Variants in ARMC2 observed in about 807,000 individuals in gnomAD.
The protein encoded by ARMC2 is armadillo repeat-containing protein 2.
In ARMC2, 67 loss-of-function variants were observed where a neutral mutation model predicts 90.3. That is an observed-to-expected ratio of 0.74 (90% CI 0.61 to 0.91). The LOEUF (loss-of-function observed/expected upper bound fraction) is 0.91, where lower values mean the gene tolerates loss of function less well. ARMC2 is among the 40% of genes least tolerant of loss of function. The probability of loss-of-function intolerance (pLI) is 0.00; values close to 1 mark genes in which losing one functional copy is unlikely to be tolerated. For synonymous variants in ARMC2, 393 were observed against 393.0 expected, an observed-to-expected ratio of 1.00 and a Z score of 0.00; for missense variants, 920 against 1,030.9, an observed-to-expected ratio of 0.89 and a Z score of 1.47.
chr6:108,972,202 C>A (rs972799294), intron 17 of ARMC2, among the ~76,000 whole-genome samples: 1 of 152,194 alleles, frequency 6.6e-6, no homozygotes, highest in African/African-American at 2.4e-5. Flanking sequence ...ATCTTCCTAC[C>A]TGGATTGAAT....
In ARMC2 at chr6:108,858,252, G is replaced by A. The variant is rs147755566; in HGVS notation, c.272G>A (p.Arg91His). Residue 91 changes from arginine (R) to histidine (H), a missense_variant, in exon 3 of 18, where the codon CGT becomes CAT. Arg to His is a conservative substitution (Grantham distance 29). Transcript: ENST00000392644. The part of the protein sequence containing the change: ...SSDSRPISGT[R>H]LSPLELKPKV... ...GATTCCAGGCCTATCTCTGGCACAC[G>A]TCTTAGTCCACTAGAGCTGGTGAGT... 6.0e-5 allele frequency: 96 copies of A among 1,609,542 alleles called. 1 individual carries two copies. The South Asian group carries it at 8.3e-4, about 14-fold the overall frequency.
intron 7 of ARMC2, among the ~76,000 whole-genome samples, chr6:108,900,818 G>A (rs1222893242): frequency 6.6e-6 from 1 of 152,090 alleles, no homozygotes; most frequent in Non-Finnish European, 1.5e-5. Flanking sequence ...AGATGAGGTG[G>A]AGATTAGGTT....
chr6:109,037,509 A>G, the ARMC2 span, among the ~76,000 whole-genome samples: 2 of 152,200 alleles, frequency 1.3e-5, no homozygotes, highest in African/African-American at 2.4e-5. Context: ...TATATTCAGC[A>G]TCTAGTCCAA....
chr6:109,041,829 A>G, the ARMC2 span, among the ~76,000 whole-genome samples: 4 of 152,212 alleles, frequency 2.6e-5, no homozygotes, highest in Admixed American at 6.5e-5. Context: ...GAGGAACTCA[A>G]CAATATTATA....
the ARMC2 span, chr6:109,000,632 A>G: frequency 6.2e-7 from 1 of 1,610,752 alleles, no homozygotes. Context: ...AATCATTTAC[A>G]TGCAGGTTCA....
chr6:109,009,278 C>T, the ARMC2 span: 33 of 1,253,484 alleles, frequency 2.6e-5, no homozygotes, highest in Non-Finnish European at 3.2e-5. Context: ...GCAACGTGAC[C>T]TCCGTGTTGC....
the ARMC2 span, among the ~76,000 whole-genome samples, chr6:109,046,991 T>TG: frequency 1.0e-3 from 73 of 69,914 alleles, 1 homozygote; most frequent in Middle Eastern, 9.3e-3. Context: ...GGGAGGGAGG[T>TG]GGGGGGGGTC....
chr6:108,946,674 A>T (rs1776832097), intron 12 of ARMC2, among the ~76,000 whole-genome samples: 1 of 152,240 alleles, frequency 6.6e-6, no homozygotes, highest in African/African-American at 2.4e-5. Context: ...TTTCTGGTTA[A>T]TAGAGAGTTC....
intron 11 of ARMC2, among the ~76,000 whole-genome samples, chr6:108,934,264 T>TTGTG (rs1481089134): frequency 6.6e-6 from 1 of 152,236 alleles, no homozygotes; most frequent in Admixed American, 6.5e-5. Flanking sequence ...TTGTCTTCAG[T>TTGTG]TGTGTGTATG....
chr6:108,964,572 G>A (rs1287364617), intron 16 of ARMC2, among the ~76,000 whole-genome samples: 3 of 152,114 alleles, frequency 2.0e-5, no homozygotes, highest in Non-Finnish European at 4.4e-5. Flanking sequence ...CCAGGAGTTC[G>A]AGAGCAGCCT....
chr6:108,974,873 G>A (rs1185912077), downstream of ARMC2, among the ~76,000 whole-genome samples: 2 of 151,990 alleles, frequency 1.3e-5, no homozygotes, highest in Admixed American at 6.6e-5. Flanking sequence ...TCGTGAGTTC[G>A]AGACCAGTTT....
chr6:108,910,915 A>G lies in ARMC2; in HGVS notation c.1040A>G (p.Lys347Arg). The G allele has an allele frequency of 6.4e-7, 1 of 1,553,624 alleles. No individual in the cohort carries two copies. The highest frequency in any genetic ancestry group is 8.8e-7 in the Non-Finnish European group (1 of 1,142,760). Residue 347 changes from lysine to arginine, a missense_variant, in exon 9 of 18, where the codon AAG (lysine) becomes AGG (arginine). Transcript: ENST00000392644. Reference protein sequence around the residue: ...KIILALKVSRKNLLNVCKLIF... With the variant: ...KIILALKVSRRNLLNVCKLIF... ...TCTCTGCAGCTTAAAGTGAGTAGAA[A>G]GAATCTTCTTAATGTCTGCAAACTT...
intron 1 of ARMC2, among the ~76,000 whole-genome samples, chr6:108,852,756 T>C (rs1404133697): frequency 6.6e-6 from 1 of 152,150 alleles, no homozygotes; most frequent in African/African-American, 2.4e-5. Flanking sequence ...ATTTAGGCTC[T>C]GGAAGAAGCC....
chr6:108,978,692 TAC>T (rs1779031618), downstream of ARMC2, among the ~76,000 whole-genome samples: 1 of 152,210 alleles, frequency 6.6e-6, no homozygotes, highest in Admixed American at 6.5e-5. Flanking sequence ...TATTGATGCG[TAC>T]ATATTTAGGA....
chr6:109,049,761 A>G, the ARMC2 span, among the ~76,000 whole-genome samples: 2 of 150,774 alleles, frequency 1.3e-5, no homozygotes, highest in Admixed American at 1.3e-4. Flanking sequence ...AAATCATTAC[A>G]TATATATTTA....
chr6:108,887,551 C>T (rs1179942273), intron 5 of ARMC2, among the ~76,000 whole-genome samples: 2 of 152,150 alleles, frequency 1.3e-5, no homozygotes, highest in Non-Finnish European at 2.9e-5. Context: ...AGAAAGATGC[C>T]GCCAAAGGCC....
chr6:108,958,009 A>G lies in ARMC2; in HGVS notation c.1916-3563A>G, dbSNP rs58411520. On this transcript the variant is annotated intron_variant, in intron 13 of 17. Transcript: ENST00000392644. Reference sequence around the variant, plus strand: ...ATTTAGATGTGTGCTCTGTGAAGTGAGGTGAGGTATTGAACTTCTCTAAAC... The same window carrying G: ...ATTTAGATGTGTGCTCTGTGAAGTGGGGTGAGGTATTGAACTTCTCTAAAC... Among the ~76,000 whole-genome samples the G allele has an allele frequency of 8.6e-3, 1,308 of 152,224 alleles. 21 individuals carry two copies. The highest frequency in any genetic ancestry group is 0.03 in the African/African-American group (1,231 of 41,536).
intron 7 of ARMC2, among the ~76,000 whole-genome samples, chr6:108,900,569 T>C (rs1772029773): frequency 6.6e-6 from 1 of 152,162 alleles, no homozygotes; most frequent in South Asian, 2.1e-4. Context: ...GAAGATGCTC[T>C]AAGAGAAGCA....
At chr6:109,018,811 G>A in the ARMC2 span, among the ~76,000 whole-genome samples, 1 of 152,056 alleles carries the variant, frequency 6.6e-6, no homozygotes, top group Non-Finnish European at 1.5e-5. Flanking sequence ...TAATTTCAGG[G>A]ATGACTTCTA....
Sources: gnomAD v4.1 joint callset for allele counts (sites outside exome capture counted in the v4.1 genomes callset) on GRCh38, gnomAD v4.1.1 for gene constraint, MANE v1.5 for transcripts, NCBI Gene and HGNC (gene_info 2026-07-23, HGNC 2026-07-21) for gene names.